Variants in BAZ1B observed in about 807,000 individuals in gnomAD.
The protein encoded by BAZ1B is bromodomain adjacent to zinc finger domain 1B.
Under a neutral mutation model 153.8 loss-of-function variants are expected in BAZ1B, and 22 were observed. The observed-to-expected ratio is 0.14, with a 90% CI of 0.10 to 0.20. The LOEUF (loss-of-function observed/expected upper bound fraction) is 0.20, where lower values mean the gene tolerates loss of function less well. Among genes scored for constraint, BAZ1B ranks in the 10% least tolerant of loss-of-function variants. The pLI, the probability that BAZ1B is intolerant of heterozygous loss-of-function variation, is 1.00. For missense variants in BAZ1B, 1,325 were observed against 1,799.3 expected (o/e 0.74, Z 4.77); for synonymous variants, 676 against 633.4 (o/e 1.07, Z -1.01).
intron 3 of BAZ1B, among the ~76,000 whole-genome samples, chr7:73,501,752 A>G (rs1309592245): frequency 6.6e-6 from 1 of 152,088 alleles, no homozygotes; most frequent in Non-Finnish European, 1.5e-5. Flanking sequence ...TACTCAACCT[A>G]CAGGCTTCAC....
At chr7:73,455,336 A>G (rs187469703) in intron 13 of BAZ1B, among the ~76,000 whole-genome samples, 4 of 152,348 alleles carry the variant, frequency 2.6e-5, no homozygotes, top group African/African-American at 7.2e-5. Flanking sequence ...TGCACTAAAT[A>G]ATGGTTAGGA....
chr7:73,471,253 C>G (rs1788794194), intron 7 of BAZ1B, among the ~76,000 whole-genome samples: 1 of 152,164 alleles, frequency 6.6e-6, no homozygotes, highest in African/African-American at 2.4e-5. Context: ...GACAAGAAAA[C>G]AAACCTGAAA....
intron 7 of BAZ1B, among the ~76,000 whole-genome samples, chr7:73,474,476 A>G (rs1788927259): frequency 6.6e-6 from 1 of 152,210 alleles, no homozygotes; most frequent in Non-Finnish European, 1.5e-5. Flanking sequence ...TGATACTACT[A>G]AGAAAGTGAA....
At chr7:73,488,423 T>C (rs562289501) in intron 6 of BAZ1B, among the ~76,000 whole-genome samples, 3 of 151,856 alleles carry the variant, frequency 2.0e-5, no homozygotes, top group Non-Finnish European at 4.4e-5. Context: ...AAATCAAAAG[T>C]GAGGATTTTA....
Position 73,441,479 on chromosome 7 carries a change from C to T in BAZ1B, c.*230G>A, listed in dbSNP as rs1425712762. Reference sequence around the variant, plus strand: ...ATATGCATGATTATAAGCAGGACTCCAGTCTCTAAGTGAAGTGCCTTAGTT... The same window carrying T: ...ATATGCATGATTATAAGCAGGACTCTAGTCTCTAAGTGAAGTGCCTTAGTT... On this transcript the variant is annotated 3_prime_UTR_variant, in exon 20 of 20. Coordinates refer to ENST00000339594, the MANE Select transcript of BAZ1B (RefSeq NM_032408.4). 1 of 152,398 alleles carries T rather than the reference C, an allele frequency of 6.6e-6. No individual in the cohort carries two copies. Among genetic ancestry groups the T allele is most frequent in the Non-Finnish European group, 1.5e-5 (1 of 68,054 alleles). The allele number at this position is 152,398 out of a possible 1,614,324, so 9.4% of individuals were successfully genotyped here. A position where few individuals can be genotyped will look rare whatever the true frequency, so the allele number is the denominator to read the frequency against.
At chr7:73,521,243 A>C (rs1056419141) in intron 1 of BAZ1B, among the ~76,000 whole-genome samples, 1 of 151,830 alleles carries the variant, frequency 6.6e-6, no homozygotes, top group Non-Finnish European at 1.5e-5. Flanking sequence ...GGGGAATCTC[A>C]TTCCTAGTTT....
At chr7:73,509,203 T>A (rs970469124) in intron 2 of BAZ1B, among the ~76,000 whole-genome samples, 5 of 151,274 alleles carry the variant, frequency 3.3e-5, no homozygotes, top group African/African-American at 9.7e-5. Context: ...ATGCCTGTAA[T>A]CCCAGCTACT....
chr7:73,498,619 T>C lies in BAZ1B; in HGVS notation c.449A>G (p.Lys150Arg). ...LEKVDEEATEKKSDGACDSPS... is the reference protein window; with the variant it reads ...LEKVDEEATERKSDGACDSPS... Reference sequence around the variant, plus strand: ...AGAATCACAGGCACCATCAGATTTCTTCTCAGTGGCCTCTTCATCCACTTT... The same window carrying C: ...AGAATCACAGGCACCATCAGATTTCCTCTCAGTGGCCTCTTCATCCACTTT... The change falls in exon 4 of 20, where the codon AAG (lysine) becomes AGG (arginine). Residue 150 changes from lysine (K) to arginine (R), a missense_variant. Physicochemically the swap from Lys to Arg is conservative, Grantham distance 26. Transcript: ENST00000339594. 1 of 1,614,194 alleles carries C rather than the reference T, an allele frequency of 6.2e-7. No homozygotes were observed. The highest frequency in any genetic ancestry group is 8.5e-7 in the Non-Finnish European group (1 of 1,180,022).
intron 12 of BAZ1B, among the ~76,000 whole-genome samples, chr7:73,460,425 T>C (rs1583896644): frequency 6.6e-6 from 1 of 152,190 alleles, no homozygotes; most frequent in Admixed American, 6.5e-5. Flanking sequence ...TTTTTTCTTA[T>C]TTCTAACTTG....
chr7:73,456,611 T>C (rs1554569564), intron 13 of BAZ1B, among the ~76,000 whole-genome samples: 1 of 152,066 alleles, frequency 6.6e-6, no homozygotes, highest in Non-Finnish European at 1.5e-5. Context: ...CAACTTCATA[T>C]CCATTAGGAT....
chr7:73,481,955 C>T (rs1408562051), intron 6 of BAZ1B, among the ~76,000 whole-genome samples: 7 of 152,160 alleles, frequency 4.6e-5, no homozygotes, highest in Admixed American at 3.3e-4. Flanking sequence ...AGGAGAATGG[C>T]GTGAACCCGG....
At chr7:73,502,489 C>T (rs1790173393) in intron 3 of BAZ1B, among the ~76,000 whole-genome samples, 1 of 152,008 alleles carries the variant, frequency 6.6e-6, no homozygotes, top group African/African-American at 2.4e-5. Context: ...AATCCCAACA[C>T]TTTGGGAGGC....
chr7:73,485,539 C>CT (rs1789370064), intron 6 of BAZ1B, among the ~76,000 whole-genome samples: 1 of 150,374 alleles, frequency 6.7e-6, no homozygotes, highest in Admixed American at 6.7e-5. Flanking sequence ...GGTGGGAGGA[C>CT]TGCTTGAGCC....
chr7:73,492,074 C>A (rs924979412), intron 5 of BAZ1B, among the ~76,000 whole-genome samples: 11 of 148,284 alleles, frequency 7.4e-5, no homozygotes, highest in Non-Finnish European at 1.3e-4. Context: ...CTCACTGCAA[C>A]CTCCGCCTCC....
At chr7:73,508,223 A>G in intron 3 of BAZ1B, 104 bp downstream of exon 3, 1 of 1,225,846 alleles carries the variant, frequency 8.2e-7, no homozygotes, top group South Asian at 1.8e-5. Flanking sequence ...TAAATATAAT[A>G]CTAAATATAA....
intron 6 of BAZ1B, among the ~76,000 whole-genome samples, chr7:73,481,389 C>A (rs1051729255): frequency 1.3e-5 from 2 of 151,682 alleles, no homozygotes; most frequent in East Asian, 2.0e-4. Flanking sequence ...CGGTGGCGGG[C>A]GCCTGTAGTC....
rs370069673 is a variant in BAZ1B, at chr7:73,478,081, T to C, written c.1380A>G (p.Thr460=). 1 of 1,614,190 alleles carries C rather than the reference T, an allele frequency of 6.2e-7. No individual in the cohort carries two copies. Among genetic ancestry groups the C allele is most frequent in the South Asian group, 1.1e-5 (1 of 91,088 alleles). ...MTRAPRNSGG[T]PRTSSKPHKH... The stretch of plus-strand genomic sequence containing the variant: ...TATGAGGTTTACTAGAGGTCCTAGG[T>C]GTACCCCCAGAATTCCGTGGGGCTC... Residue 460 remains threonine (T), a synonymous_variant, in exon 7 of 20, where the codon ACA becomes ACG. Transcript: ENST00000339594.
chr7:73,519,298 G>A (rs995677664), intron 1 of BAZ1B, among the ~76,000 whole-genome samples: 4 of 152,116 alleles, frequency 2.6e-5, no homozygotes, highest in African/African-American at 4.8e-5. Context: ...TATAAGTTGA[G>A]AACTGGGAAT....
At position 73,522,046 on chromosome 7, in the gene BAZ1B, A is replaced by T; in HGVS notation, c.-113T>A. The T allele has an allele frequency of 3.2e-5, 18 of 569,526 alleles. No homozygotes were observed. Among genetic ancestry groups the T allele is most frequent in the Non-Finnish European group, 4.4e-5 (17 of 386,168 alleles). The allele number at this position is 569,526 out of a possible 1,614,324, so 35.3% of individuals were successfully genotyped here. A position where few individuals can be genotyped will look rare whatever the true frequency, so the allele number is the denominator to read the frequency against. ...GCCCGGGGGTGGGGTGGGGGAAGGGAGGGGTGAGAGGGCGGCGCGAACTCC... is the reference window on the plus strand; with the variant it reads ...GCCCGGGGGTGGGGTGGGGGAAGGGTGGGGTGAGAGGGCGGCGCGAACTCC... On this transcript the variant is annotated 5_prime_UTR_variant, in exon 1 of 20. Coordinates refer to ENST00000339594, the MANE Select transcript of BAZ1B (RefSeq NM_032408.4).
Sources: allele counts gnomAD v4.1 joint callset (sites outside exome capture counted in the v4.1 genomes callset), GRCh38; gene constraint gnomAD v4.1.1; transcripts MANE v1.5; gene names NCBI Gene and HGNC (gene_info 2026-07-23, HGNC 2026-07-21).